CPNE4: variants seen among roughly 807,000 people sequenced by gnomAD.
CPNE4 encodes the protein copine-4.
A neutral mutation model predicts 67.9 loss-of-function variants in CPNE4; 25 were observed. That is an observed-to-expected ratio of 0.37 (90% CI 0.27 to 0.51). CPNE4 has a LOEUF of 0.51. CPNE4 is among the 20% of genes least tolerant of loss of function. CPNE4 has a pLI of 0.93. For synonymous variants in CPNE4, 242 were observed against 244.9 expected (o/e 0.99, Z 0.11); for missense variants, 464 against 690.8 (o/e 0.67, Z 3.68).
At chr3:131,743,973 A>C (rs1421221081) in intron 2 of CPNE4, among the ~76,000 whole-genome samples, 1 of 148,600 alleles carries the variant, frequency 6.7e-6, no homozygotes, top group Non-Finnish European at 1.5e-5. Flanking sequence ...AAAAAAAAAA[A>C]AAAAAAAAAA....
intron 3 of CPNE4, among the ~76,000 whole-genome samples, chr3:131,721,855 T>G (rs1172431057): frequency 6.6e-6 from 1 of 152,196 alleles, no homozygotes; most frequent in Non-Finnish European, 1.5e-5. Context: ...CACAATGCAT[T>G]TATTCATTTA....
At chr3:131,554,141 A>C (rs949252613) in intron 12 of CPNE4, among the ~76,000 whole-genome samples, 1 of 152,074 alleles carries the variant, frequency 6.6e-6, no homozygotes, top group Non-Finnish European at 1.5e-5. Context: ...GTGAAAACTC[A>C]AGAATCCCTG....
chr3:131,575,978 C>T lies in CPNE4; in HGVS notation c.868-848G>A, dbSNP rs529615722. ...TGGCTCTTGGTGATATTCATGTATTCGTTTATTCAACAATTATTTATTGAA... is the reference window on the plus strand; with the variant it reads ...TGGCTCTTGGTGATATTCATGTATTTGTTTATTCAACAATTATTTATTGAA... On this transcript the variant is annotated intron_variant, in intron 9 of 15. Coordinates refer to ENST00000429747, the MANE Select transcript of CPNE4 (RefSeq NM_130808.3). Among the ~76,000 whole-genome samples, 17 of 152,158 alleles carry T rather than the reference C, an allele frequency of 1.1e-4. No homozygotes were observed. The South Asian group carries it at 1.2e-3, about 11-fold the overall frequency.
chr3:131,925,397 T>C (rs554956470), intron 1 of CPNE4: 1 of 152,274 alleles, frequency 6.6e-6, no homozygotes, highest in South Asian at 2.1e-4. Flanking sequence ...GTTAGGTCAT[T>C]TGATCAAATT....
chr3:131,887,006 G>A (rs1009041165), intron 2 of CPNE4, among the ~76,000 whole-genome samples: 1 of 152,178 alleles, frequency 6.6e-6, no homozygotes, highest in African/African-American at 2.4e-5. Flanking sequence ...GGCAGGATTG[G>A]TTTTGAAATG....
chr3:132,004,494 T>C (rs973753772), intron 1 of CPNE4, among the ~76,000 whole-genome samples: 1 of 152,032 alleles, frequency 6.6e-6, no homozygotes, highest in African/African-American at 2.4e-5. Context: ...ATAATGGATA[T>C]AGTTTTATAT....
At chr3:131,538,575 C>T (rs962320730) in intron 15 of CPNE4, among the ~76,000 whole-genome samples, 7 of 152,206 alleles carry the variant, frequency 4.6e-5, no homozygotes, top group African/African-American at 1.4e-4. Flanking sequence ...GTATCATTTA[C>T]CTCATTTTAT....
Position 131,569,644 on chromosome 3 carries a change from C to CA in CPNE4, c.928-5296dup, listed in dbSNP as rs1225327707. ...CAGAGTGAGACCCTGTTTCAAAAAACAAAAAAAACAAAAAAAAACAAAAAA... is the reference window on the plus strand; with the variant it reads ...CAGAGTGAGACCCTGTTTCAAAAAACAAAAAAAAACAAAAAAAAACAAAAAA... On this transcript the variant is annotated intron_variant, in intron 10 of 15. Transcript: ENST00000429747. 3.0e-3 allele frequency among the ~76,000 whole-genome samples: 256 copies of CA among 85,808 alleles called. 1 individual carries two copies. The highest frequency in any genetic ancestry group is 5.6e-3 in the Non-Finnish European group (182 of 32,652). The allele number at this position is 85,808 out of a possible 152,430, so 56.3% of individuals were successfully genotyped here.
chr3:131,860,486 T>A (rs1050542239), intron 2 of CPNE4, among the ~76,000 whole-genome samples: 1 of 152,198 alleles, frequency 6.6e-6, no homozygotes, highest in Non-Finnish European at 1.5e-5. Flanking sequence ...CAGATTTTCT[T>A]GCCCCAACTC....
At chr3:131,834,786 A>G (rs2085494529) in intron 2 of CPNE4, among the ~76,000 whole-genome samples, 1 of 152,204 alleles carries the variant, frequency 6.6e-6, no homozygotes, top group Non-Finnish European at 1.5e-5. Flanking sequence ...ACCTGGAGAA[A>G]TTACTTGACA....
At chr3:131,670,581 G>A in intron 6 of CPNE4, among the ~76,000 whole-genome samples, 1 of 152,094 alleles carries the variant, frequency 6.6e-6, no homozygotes, top group Non-Finnish European at 1.5e-5. Context: ...CCCAAAGTGT[G>A]GTTCCTGGAC....
intron 10 of CPNE4, among the ~76,000 whole-genome samples, chr3:131,573,241 C>T (rs1046987995): frequency 6.6e-6 from 1 of 152,062 alleles, no homozygotes; most frequent in Non-Finnish European, 1.5e-5. Context: ...TTCTCCTCTT[C>T]TCATTCCTTG....
chr3:131,792,708 C>CACACGT (rs1560323065), intron 2 of CPNE4, among the ~76,000 whole-genome samples: 4 of 67,224 alleles, frequency 6.0e-5, no homozygotes, highest in Admixed American at 1.8e-4. Context: ...TATACACACA[C>CACACGT]GTGTATATAT....
At chr3:131,717,995 G>A (rs13068135) in intron 3 of CPNE4, among the ~76,000 whole-genome samples, 1 of 128,030 alleles carries the variant, frequency 7.8e-6, no homozygotes, top group East Asian at 2.2e-4. Flanking sequence ...CTCTCTCTCT[G>A]TCTCTCTCTC....
At chr3:131,787,165 T>C (rs1023097264) in intron 2 of CPNE4, among the ~76,000 whole-genome samples, 33 of 152,218 alleles carry the variant, frequency 2.2e-4, no homozygotes, top group African/African-American at 7.7e-4. Flanking sequence ...TAAGTTTTTA[T>C]AGACACCTTG....
At chr3:131,853,774 C>T (rs556924366) in intron 2 of CPNE4, among the ~76,000 whole-genome samples, 12 of 151,608 alleles carry the variant, frequency 7.9e-5, no homozygotes, top group Admixed American at 3.9e-4. Flanking sequence ...GTATAGTAAC[C>T]GATAAGTACA....
At chr3:132,031,565 T>C (rs1400125667) in intron 1 of CPNE4, among the ~76,000 whole-genome samples, 1 of 152,226 alleles carries the variant, frequency 6.6e-6, no homozygotes, top group East Asian at 1.9e-4. Flanking sequence ...CAGACCACTC[T>C]GAAAATGTGT....
At chr3:131,644,525 T>C (rs1319743428) in intron 7 of CPNE4, among the ~76,000 whole-genome samples, 1 of 152,220 alleles carries the variant, frequency 6.6e-6, no homozygotes, top group Admixed American at 6.5e-5. Context: ...AAAATACTAC[T>C]TTATGTTTTT....
intron 2 of CPNE4, among the ~76,000 whole-genome samples, chr3:131,733,982 C>T (rs78382372): frequency 0.011 from 1,656 of 152,296 alleles, 13 homozygotes; most frequent in Middle Eastern, 0.017. Flanking sequence ...ACCCTCCTCA[C>T]GATAGGTGTT....
Sources: gnomAD v4.1 joint callset for allele counts (sites outside exome capture counted in the v4.1 genomes callset) on GRCh38, gnomAD v4.1.1 for gene constraint, MANE v1.5 for transcripts, NCBI Gene and HGNC (gene_info 2026-07-23, HGNC 2026-07-21) for gene names.